Variants in STX3 observed in about 807,000 individuals in gnomAD.
STX3 encodes syntaxin 3.
Under a neutral mutation model 40.2 loss-of-function variants are expected in STX3, and 19 were observed. The observed-to-expected ratio is 0.47, with a 90% CI of 0.33 to 0.69. The LOEUF (loss-of-function observed/expected upper bound fraction) is 0.69. Among genes scored for constraint, STX3 ranks in the 30% least tolerant of loss-of-function variants. The pLI is 0.02. For missense variants in STX3, 364 were observed against 366.7 expected (o/e 0.99, Z 0.06); for synonymous variants, 122 against 132.2 (o/e 0.92, Z 0.53).
chr11:59,768,035 T>G (rs1365582998), intron 1 of STX3, among the ~76,000 whole-genome samples: 1 of 152,246 alleles, frequency 6.6e-6, no homozygotes, highest in Non-Finnish European at 1.5e-5. Flanking sequence ...GTTCTTACTG[T>G]GTGCTCTACA....
chr11:59,773,828 A>G (rs1863793369), intron 2 of STX3, among the ~76,000 whole-genome samples: 1 of 151,994 alleles, frequency 6.6e-6, no homozygotes, highest in East Asian at 1.9e-4. Context: ...AAAAATACAA[A>G]AATTAGCCAG....
chr11:59,783,925 C>T (rs1177946738), intron 2 of STX3, among the ~76,000 whole-genome samples: 1 of 152,218 alleles, frequency 6.6e-6, no homozygotes, highest in Non-Finnish European at 1.5e-5. Context: ...TTGATGCGGT[C>T]AGAGGAAAGA....
intron 1 of STX3, among the ~76,000 whole-genome samples, chr11:59,772,245 C>G (rs368737094): frequency 1.3e-4 from 20 of 152,330 alleles, no homozygotes; most frequent in African/African-American, 4.8e-4. Context: ...AGTCAGTTCT[C>G]TGTGCTTAGA....
intron 1 of STX3, among the ~76,000 whole-genome samples, chr11:59,762,293 C>A (rs542370163): frequency 6.6e-6 from 1 of 152,228 alleles, no homozygotes. Context: ...AGGACAAAGT[C>A]CCGGCAGCCA....
chr11:59,781,100 T>TTTTTTTTTTTTTTA (rs963410109), intron 2 of STX3, among the ~76,000 whole-genome samples: 9 of 146,306 alleles, frequency 6.2e-5, no homozygotes, highest in Non-Finnish European at 8.9e-5. Flanking sequence ...TTTTTTTTTT[T>TTTTTTTTTTTTTTA]TATATTAGCA....
Position 59,801,595 on chromosome 11 carries a change from T to C in STX3, c.*771T>C. On this transcript the variant is annotated 3_prime_UTR_variant, in exon 11 of 11. Coordinates refer to ENST00000337979, the MANE Select transcript of STX3 (RefSeq NM_004177.5). Reference sequence around the variant, plus strand: ...GTCTTAGAAACTGGCTGCTCATTGTTAGAAAGTGATGCTTTGTGAGACTAT... The same window carrying C: ...GTCTTAGAAACTGGCTGCTCATTGTCAGAAAGTGATGCTTTGTGAGACTAT... The C allele has an allele frequency of 1.0e-6, 1 of 985,492 alleles. No individual in the cohort carries two copies. Among genetic ancestry groups the C allele is most frequent in the Admixed American group, 6.1e-5 (1 of 16,284 alleles). 61.0% of individuals were successfully genotyped at this position (985,492 alleles called of 1,614,324 possible).
intron 2 of STX3, among the ~76,000 whole-genome samples, chr11:59,782,364 C>T (rs756592308): frequency 3.9e-5 from 6 of 152,186 alleles, no homozygotes; most frequent in Non-Finnish European, 7.3e-5. Context: ...CCTGTAAATG[C>T]ACTGCATAGT....
intron 1 of STX3, among the ~76,000 whole-genome samples, chr11:59,763,574 T>C (rs1253724380): frequency 6.6e-6 from 1 of 152,134 alleles, no homozygotes; most frequent in Non-Finnish European, 1.5e-5. Context: ...AGAATAAAAG[T>C]CATATAGGCC....
At chr11:59,767,022 A>C (rs576711125) in intron 1 of STX3, among the ~76,000 whole-genome samples, 7 of 152,346 alleles carry the variant, frequency 4.6e-5, no homozygotes, top group Middle Eastern at 3.4e-3. Flanking sequence ...CAGATAGACT[A>C]ACAATGATAG....
intron 2 of STX3, among the ~76,000 whole-genome samples, chr11:59,775,028 T>G (rs1189778524): frequency 6.6e-6 from 1 of 152,252 alleles, no homozygotes; most frequent in East Asian, 1.9e-4. Flanking sequence ...TATCGTGCTC[T>G]TTTTGCAGAG....
rs184541067 is a variant in STX3 at position 59,798,491 on chromosome 11, G to A, written c.*30+1095G>A. Reference sequence around the variant, plus strand: ...ATTACAGGCGTGAGCCACTGCGCCCGGCCTGAATCAAAACAAACAAAAAAC... The same window carrying A: ...ATTACAGGCGTGAGCCACTGCGCCCAGCCTGAATCAAAACAAACAAAAAAC... On this transcript the variant is annotated intron_variant, in intron 10 of 10. Transcript: ENST00000337979. Among the ~76,000 whole-genome samples the A allele has an allele frequency of 7.1e-4, 107 of 151,730 alleles. 1 individual carries two copies. The East Asian group carries it at 0.019, about 27-fold the overall frequency.
chr11:59,795,683 G>T, intron 9 of STX3: 2 of 1,537,056 alleles, frequency 1.3e-6, no homozygotes, highest in Non-Finnish European at 1.7e-6. Flanking sequence ...TACCAAAAAG[G>T]CTGTCAAGTA....
intron 2 of STX3, among the ~76,000 whole-genome samples, chr11:59,784,944 A>T (rs1441540510): frequency 2.0e-5 from 3 of 152,316 alleles, no homozygotes; most frequent in Admixed American, 2.0e-4. Context: ...TAACTCTTCA[A>T]TCTAATGGAA....
Position 59,792,225 on chromosome 11 carries a change from T to C in STX3, c.466+10T>C. 1 of 1,612,268 alleles carries C rather than the reference T, an allele frequency of 6.2e-7. No individual in the cohort carries two copies. The highest frequency in any genetic ancestry group is 8.5e-7 in the Non-Finnish European group (1 of 1,179,136). ...CGGCAGCTCGAAATTAGTATGTACTTGAGGTTTGGCGTGTGCCCTCCACCT... is the reference window on the plus strand; with the variant it reads ...CGGCAGCTCGAAATTAGTATGTACTCGAGGTTTGGCGTGTGCCCTCCACCT... On this transcript the variant is annotated intron_variant, in intron 6 of 10. Transcript: ENST00000337979.
intron 2 of STX3, among the ~76,000 whole-genome samples, chr11:59,786,442 G>A (rs575887073): frequency 6.7e-6 from 1 of 149,842 alleles, no homozygotes; most frequent in African/African-American, 2.5e-5. Context: ...AGTAGAGACG[G>A]GGTTTCACTG....
At chr11:59,761,688 T>C (rs1232571541) in intron 1 of STX3, among the ~76,000 whole-genome samples, 2 of 152,124 alleles carry the variant, frequency 1.3e-5, no homozygotes, top group Admixed American at 6.5e-5. Flanking sequence ...ACCATTTCCA[T>C]GGCAACTTTC....
chr11:59,755,516 C>T lies in STX3; in HGVS notation c.-90C>T. 3 of 1,437,362 alleles carry T rather than the reference C, an allele frequency of 2.1e-6. No homozygotes were observed. The highest frequency in any genetic ancestry group is 1.8e-6 in the Non-Finnish European group (2 of 1,100,994). The allele number at this position is 1,437,362 out of a possible 1,614,324, so 89.0% of individuals were successfully genotyped here. ...GCTCCTTCGCCCCGGCGGGCCCGGC[C>T]GCCGCTTCCGGCAGCTCACCTGGGA... On this transcript the variant is annotated 5_prime_UTR_variant, in exon 1 of 11. Transcript: ENST00000337979.
rs1248196374 is a variant in STX3 at position 59,804,031 on chromosome 11, G to C, written c.*3207G>C. ...TATACAGAATTGGGCGGAGGACAGG[G>C]ACAGGGAGTACAGATACATAGCTGA... On this transcript the variant is annotated 3_prime_UTR_variant, in exon 11 of 11. Transcript: ENST00000337979. 6.6e-6 allele frequency: 1 copy of C among 152,508 alleles called. No homozygotes were observed. The highest frequency in any genetic ancestry group is 1.5e-5 in the Non-Finnish European group (1 of 68,078). 9.4% of individuals were successfully genotyped at this position (152,508 alleles called of 1,614,324 possible).
At chr11:59,797,626 A>G (rs763766708) in intron 10 of STX3, among the ~76,000 whole-genome samples, 6 of 152,124 alleles carry the variant, frequency 3.9e-5, no homozygotes, top group African/African-American at 7.2e-5. Flanking sequence ...TTCTGTCCCC[A>G]ATCTCTGTCT....
Sources: gnomAD v4.1 joint callset for allele counts (sites outside exome capture counted in the v4.1 genomes callset) on GRCh38, gnomAD v4.1.1 for gene constraint, MANE v1.5 for transcripts, NCBI Gene and HGNC (gene_info 2026-07-23, HGNC 2026-07-21) for gene names.